ARHGAP15: variants seen among roughly 807,000 people sequenced by gnomAD.
ARHGAP15 encodes rho GTPase-activating protein 15.
Under a neutral mutation model 63.7 loss-of-function variants are expected in ARHGAP15, and 51 were observed. The ratio of observed to expected loss-of-function variants is 0.80; its 90% CI spans 0.64 to 1.01. ARHGAP15 has a LOEUF of 1.01. Among genes scored for constraint, ARHGAP15 ranks in the 50% least tolerant of loss-of-function variants. ARHGAP15 has a pLI of 0.00. For missense variants in ARHGAP15, 560 were observed against 564.6 expected (o/e 0.99, Z 0.08); for synonymous variants, 191 against 193.8 (o/e 0.99, Z 0.12).
intron 12 of ARHGAP15, among the ~76,000 whole-genome samples, chr2:143,640,443 C>A (rs1435215410): frequency 6.6e-6 from 1 of 152,030 alleles, no homozygotes; most frequent in African/African-American, 2.4e-5. Flanking sequence ...ACAGCTACTA[C>A]CAGAGGACTA....
At chr2:143,402,919 C>T (rs1688046406) in intron 6 of ARHGAP15, among the ~76,000 whole-genome samples, 1 of 151,688 alleles carries the variant, frequency 6.6e-6, no homozygotes, top group Non-Finnish European at 1.5e-5. Context: ...TAGAGGACAA[C>T]CTATATTTTT....
At chr2:143,701,628 G>A (rs186421980) in intron 12 of ARHGAP15, among the ~76,000 whole-genome samples, 1 of 152,278 alleles carries the variant, frequency 6.6e-6, no homozygotes, top group African/African-American at 2.4e-5. Context: ...CTACTCAGGA[G>A]GCTGAGGCAG....
At chr2:143,720,855 G>A (rs1204338578) in intron 13 of ARHGAP15, among the ~76,000 whole-genome samples, 1 of 152,100 alleles carries the variant, frequency 6.6e-6, no homozygotes, top group East Asian at 1.9e-4. Context: ...GGATCACAAG[G>A]TCAGGAGATC....
chr2:143,402,349 C>T (rs900794099), intron 6 of ARHGAP15, among the ~76,000 whole-genome samples: 4 of 151,782 alleles, frequency 2.6e-5, no homozygotes, highest in African/African-American at 9.7e-5. Context: ...ATGAGAGGCA[C>T]AGATATTCTG....
intron 6 of ARHGAP15, among the ~76,000 whole-genome samples, chr2:143,319,954 G>A (rs1683930742): frequency 6.6e-6 from 1 of 152,086 alleles, no homozygotes; most frequent in Admixed American, 6.5e-5. Flanking sequence ...AATAGACTAA[G>A]TCATGCTGTT....
chr2:143,465,899 C>A (rs1691182101), intron 8 of ARHGAP15, among the ~76,000 whole-genome samples: 1 of 152,004 alleles, frequency 6.6e-6, no homozygotes, highest in Non-Finnish European at 1.5e-5. Flanking sequence ...TCCAAAAAGA[C>A]AAAAAGTCCC....
rs532068848 is a variant in ARHGAP15, at chr2:143,757,282, G to A, written c.1245-10707G>A. 5.3e-5 allele frequency among the ~76,000 whole-genome samples: 8 copies of A among 152,236 alleles called. No homozygotes were observed. In the South Asian group the frequency reaches 1.5e-3, roughly 28 times the overall value. On this transcript the variant is annotated intron_variant, in intron 13 of 13. Coordinates refer to ENST00000295095, the MANE Select transcript of ARHGAP15 (RefSeq NM_018460.4). ...CCCGGCACTGTGGGAGGCTGAGATG[G>A]GCAGATCACTTTAGATCAGGAGTTT...
intron 6 of ARHGAP15, among the ~76,000 whole-genome samples, chr2:143,259,723 G>C (rs1264384274): frequency 6.6e-6 from 1 of 152,076 alleles, no homozygotes; most frequent in African/African-American, 2.4e-5. Context: ...CTTTCTCCCT[G>C]TCTTGTCGTG....
rs1211580971 is a variant in ARHGAP15, at chr2:143,521,153, A to G, written c.925+1789A>G. Among the ~76,000 whole-genome samples the G allele has an allele frequency of 2.2e-4, 33 of 152,226 alleles. 1 individual carries two copies. Among genetic ancestry groups the G allele is most frequent in the Admixed American group, 2.2e-3 (33 of 15,272 alleles). ...AGCACTAAACAGGCGCTAATCACAC[A>G]TATGATTATTAAAATAATTCCTAAG... On this transcript the variant is annotated intron_variant, in intron 10 of 13. Transcript: ENST00000295095.
intron 11 of ARHGAP15, among the ~76,000 whole-genome samples, chr2:143,580,843 T>C (rs1329366298): frequency 6.6e-6 from 1 of 152,112 alleles, no homozygotes; most frequent in Admixed American, 6.6e-5. Context: ...TAGGATCATA[T>C]TTGACTTTTA....
chr2:143,257,811 C>T (rs1680503746), intron 6 of ARHGAP15, among the ~76,000 whole-genome samples: 1 of 152,096 alleles, frequency 6.6e-6, no homozygotes, highest in African/African-American at 2.4e-5. Context: ...ACCACTGCCA[C>T]TGGGGAATTT....
chr2:143,515,113 C>T (rs1356505702), intron 9 of ARHGAP15, among the ~76,000 whole-genome samples: 2 of 136,446 alleles, frequency 1.5e-5, no homozygotes, highest in South Asian at 2.7e-4. Context: ...TTCTGGTCTT[C>T]GTAACATCTT....
chr2:143,433,531 T>G (rs1689476936), intron 6 of ARHGAP15, among the ~76,000 whole-genome samples: 1 of 152,116 alleles, frequency 6.6e-6, no homozygotes, highest in African/African-American at 2.4e-5. Flanking sequence ...AAAGGAACTT[T>G]TAAAATACAT....
At chr2:143,656,467 G>T (rs1681439714) in intron 12 of ARHGAP15, among the ~76,000 whole-genome samples, 1 of 152,150 alleles carries the variant, frequency 6.6e-6, no homozygotes, top group East Asian at 1.9e-4. Flanking sequence ...CACTCCACTG[G>T]AACCAATTTG....
chr2:143,366,733 C>T (rs1043346313), intron 6 of ARHGAP15, among the ~76,000 whole-genome samples: 1 of 151,912 alleles, frequency 6.6e-6, no homozygotes, highest in African/African-American at 2.4e-5. Context: ...AAAATAAAAT[C>T]ACACACAAAA....
At chr2:143,309,831 T>C (rs903355519) in intron 6 of ARHGAP15, among the ~76,000 whole-genome samples, 1 of 151,504 alleles carries the variant, frequency 6.6e-6, no homozygotes, top group African/African-American at 2.4e-5. Flanking sequence ...TCCAAACATT[T>C]AGACCCCATT....
intron 6 of ARHGAP15, among the ~76,000 whole-genome samples, chr2:143,412,548 TTTA>T (rs2105026490): frequency 6.6e-6 from 1 of 152,324 alleles, no homozygotes; most frequent in East Asian, 1.9e-4. Flanking sequence ...TAACTGGTAA[TTTA>T]TTATTGCTTC....
At chr2:143,445,370 C>T (rs1008316021) in intron 8 of ARHGAP15, among the ~76,000 whole-genome samples, 1 of 151,790 alleles carries the variant, frequency 6.6e-6, no homozygotes, top group Non-Finnish European at 1.5e-5. Context: ...ACTCTGTTGG[C>T]CAGGCAGGTA....
chr2:143,756,840 A>G (rs1454362344), intron 13 of ARHGAP15, among the ~76,000 whole-genome samples: 1 of 152,212 alleles, frequency 6.6e-6, no homozygotes, highest in Non-Finnish European at 1.5e-5. Context: ...TAGGTGATTA[A>G]AAAATCAAAA....
Sources: allele counts gnomAD v4.1 joint callset (sites outside exome capture counted in the v4.1 genomes callset), GRCh38; gene constraint gnomAD v4.1.1; transcripts MANE v1.5; gene names NCBI Gene and HGNC (gene_info 2026-07-23, HGNC 2026-07-21).